The following FHIT variants were observed in gnomAD, a reference collection of about 807,000 sequenced individuals.
The protein encoded by FHIT is bis(5'-adenosyl)-triphosphatase.
A neutral mutation model predicts 17.9 loss-of-function variants in FHIT; 19 were observed. The ratio of observed to expected loss-of-function variants is 1.06; its 90% CI spans 0.74 to 1.56. The LOEUF (loss-of-function observed/expected upper bound fraction) is 1.56, where lower values mean the gene tolerates loss of function less well. Ranked by LOEUF, FHIT falls within the 40% of genes most tolerant of loss-of-function variation. The pLI is 0.00. For missense variants in FHIT, 248 were observed against 189.2 expected, an observed-to-expected ratio of 1.31 and a Z score of -1.82; for synonymous variants, 81 against 69.7, an observed-to-expected ratio of 1.16 and a Z score of -0.81.
At chr3:60,080,184 A>G (rs1213139205) in intron 5 of FHIT, among the ~76,000 whole-genome samples, 1 of 152,178 alleles carries the variant, frequency 6.6e-6, no homozygotes, top group Non-Finnish European at 1.5e-5. Flanking sequence ...TAGAGTACCT[A>G]TCTGTTAGAA....
At chr3:60,926,530 C>G (rs1326005332) in intron 3 of FHIT, among the ~76,000 whole-genome samples, 1 of 152,132 alleles carries the variant, frequency 6.6e-6, no homozygotes, top group African/African-American at 2.4e-5. Flanking sequence ...CACAACATAC[C>G]AGAATCTGTG....
At chr3:60,566,479 A>G (rs1251532777) in intron 4 of FHIT, among the ~76,000 whole-genome samples, 1 of 152,206 alleles carries the variant, frequency 6.6e-6, no homozygotes, top group Non-Finnish European at 1.5e-5. Context: ...AGAGCTATCT[A>G]TGACCAACCA....
chr3:60,741,869 G>A (rs1553713966), intron 4 of FHIT, among the ~76,000 whole-genome samples: 2 of 152,116 alleles, frequency 1.3e-5, no homozygotes. Flanking sequence ...ATAATATATG[G>A]CAATGTTTTC....
chr3:60,824,139 C>T (rs539462109), intron 3 of FHIT, among the ~76,000 whole-genome samples: 2 of 152,308 alleles, frequency 1.3e-5, no homozygotes, highest in South Asian at 4.1e-4. Context: ...TTTTAATAAG[C>T]TCTCTCTGGC....
At chr3:61,028,398 G>A (rs570871901) in intron 3 of FHIT, among the ~76,000 whole-genome samples, 1 of 152,164 alleles carries the variant, frequency 6.6e-6, no homozygotes, top group Non-Finnish European at 1.5e-5. Context: ...CGTGCTATGG[G>A]ATGACAAGGG....
chr3:60,293,058 C>G (rs1406916850), intron 5 of FHIT, among the ~76,000 whole-genome samples: 3 of 152,094 alleles, frequency 2.0e-5, no homozygotes, highest in Non-Finnish European at 2.9e-5. Flanking sequence ...ACATTAAACC[C>G]ACAGCTTTCA....
Position 60,474,758 on chromosome 3 carries a change from G to A in FHIT, c.103+62102C>T, listed in dbSNP as rs2033261896. The stretch of plus-strand genomic sequence containing the variant: ...CCTGCCTCAGCCTCCCGAGTAGCTG[G>A]GATTACAGGCGCCTGCCACCACACC... On this transcript the variant is annotated intron_variant, in intron 5 of 9. Transcript: ENST00000492590. Among the ~76,000 whole-genome samples the A allele has an allele frequency of 4.6e-5, 7 of 152,054 alleles. 1 individual carries two copies. The South Asian group carries it at 1.5e-3, about 32-fold the overall frequency.
At chr3:61,213,007 A>G (rs1354994573) in intron 1 of FHIT, among the ~76,000 whole-genome samples, 1 of 152,228 alleles carries the variant, frequency 6.6e-6, no homozygotes, top group Non-Finnish European at 1.5e-5. Context: ...TGAAGGAAGC[A>G]CTAAACATGG....
intron 3 of FHIT, among the ~76,000 whole-genome samples, chr3:61,018,602 AC>A (rs1458117530): frequency 6.6e-6 from 1 of 152,162 alleles, no homozygotes; most frequent in African/African-American, 2.4e-5. Flanking sequence ...ACAGTATATC[AC>A]CCCAGCAAGG....
intron 5 of FHIT, among the ~76,000 whole-genome samples, chr3:60,129,057 T>TTTTTTG (rs1559658778): frequency 6.9e-6 from 1 of 145,044 alleles, no homozygotes; most frequent in Non-Finnish European, 1.5e-5. Flanking sequence ...TTGTTTGTTT[T>TTTTTTG]TTTTTTTTTT....
chr3:60,842,753 A>G (rs1462927578), intron 3 of FHIT, among the ~76,000 whole-genome samples: 2 of 151,168 alleles, frequency 1.3e-5, no homozygotes, highest in Non-Finnish European at 2.9e-5. Flanking sequence ...TGGGCAAGAT[A>G]TCTAAAGGAG....
At chr3:59,972,219 G>C (rs1256884899) in intron 7 of FHIT, among the ~76,000 whole-genome samples, 2 of 152,090 alleles carry the variant, frequency 1.3e-5, no homozygotes, top group Non-Finnish European at 2.9e-5. Context: ...AAATACTCTA[G>C]AGTTTCAGAC....
intron 4 of FHIT, among the ~76,000 whole-genome samples, chr3:60,726,643 A>C (rs2041921895): frequency 6.6e-6 from 1 of 152,212 alleles, no homozygotes; most frequent in Non-Finnish European, 1.5e-5. Context: ...GTCCTTAATG[A>C]TAAATACAAT....
At position 60,451,637 on chromosome 3, in the gene FHIT, A is replaced by G. The variant is rs181514091; in HGVS notation, c.103+85223T>C. 9.7e-4 allele frequency among the ~76,000 whole-genome samples: 147 copies of G among 152,294 alleles called. 1 individual carries two copies. The highest frequency in any genetic ancestry group is 3.3e-3 in the African/African-American group (136 of 41,576). On this transcript the variant is annotated intron_variant, in intron 5 of 9. Coordinates refer to ENST00000492590, the MANE Select transcript of FHIT (RefSeq NM_002012.4). ...TAGTGCCACAATCCCAAGAAAGAAT[A>G]TAAGTATCTACGGAAAATCTCATTT...
intron 5 of FHIT, among the ~76,000 whole-genome samples, chr3:60,422,443 T>C (rs958338048): frequency 7.9e-5 from 12 of 152,182 alleles, no homozygotes; most frequent in African/African-American, 2.9e-4. Flanking sequence ...TCTAAGGTTT[T>C]TGAAGCTCTT....
chr3:60,861,220 GAT>G (rs1245891551), intron 3 of FHIT, among the ~76,000 whole-genome samples: 1 of 38,386 alleles, frequency 2.6e-5, no homozygotes, highest in African/African-American at 9.8e-5. Flanking sequence ...TGATATATAT[GAT>G]ATATATGATA....
intron 2 of FHIT, chr3:61,167,127 A>G (rs1309817393): frequency 2.0e-5 from 3 of 152,180 alleles, no homozygotes; most frequent in Non-Finnish European, 4.4e-5. Context: ...AGTTGACAGA[A>G]TGGGTGATTT....
intron 5 of FHIT, among the ~76,000 whole-genome samples, chr3:60,125,468 C>G (rs1304239238): frequency 6.6e-6 from 1 of 151,946 alleles, no homozygotes; most frequent in Admixed American, 6.6e-5. Context: ...CCCATCTCTA[C>G]TAAAAATACA....
intron 5 of FHIT, among the ~76,000 whole-genome samples, chr3:60,516,635 C>G (rs960918331): frequency 2.6e-5 from 4 of 152,196 alleles, no homozygotes; most frequent in African/African-American, 9.7e-5. Flanking sequence ...GAGATACCAA[C>G]AGTACCCACC....
Sources: gnomAD v4.1 joint callset for allele counts (sites outside exome capture counted in the v4.1 genomes callset) on GRCh38, gnomAD v4.1.1 for gene constraint, MANE v1.5 for transcripts, NCBI Gene and HGNC (gene_info 2026-07-23, HGNC 2026-07-21) for gene names.